FRMD4B: variants seen among roughly 807,000 people sequenced by gnomAD.
FRMD4B encodes FERM domain-containing protein 4B.
A neutral mutation model predicts 141.5 loss-of-function variants in FRMD4B; 74 were observed. The observed-to-expected ratio is 0.52, with a 90% CI of 0.43 to 0.63. The LOEUF (loss-of-function observed/expected upper bound fraction) is 0.63, where lower values mean the gene tolerates loss of function less well. Ranked by LOEUF, FRMD4B falls within the 30% of genes least tolerant of loss-of-function variation. The pLI, the probability that FRMD4B is intolerant of heterozygous loss-of-function variation, is 0.00. For synonymous variants in FRMD4B, 506 were observed against 467.9 expected, an observed-to-expected ratio of 1.08 and a Z score of -1.05; for missense variants, 1,366 against 1,253.4, an observed-to-expected ratio of 1.09 and a Z score of -1.36.
intron 1 of FRMD4B, among the ~76,000 whole-genome samples, chr3:69,364,335 C>T (rs1489883498): frequency 1.3e-5 from 2 of 152,208 alleles, no homozygotes; most frequent in African/African-American, 4.8e-5. Flanking sequence ...GACAAGCTGG[C>T]CCCTTGGTGG....
At chr3:69,451,864 C>T (rs1705507120) in intron 1 of FRMD4B, among the ~76,000 whole-genome samples, 1 of 152,174 alleles carries the variant, frequency 6.6e-6, no homozygotes, top group African/African-American at 2.4e-5. Flanking sequence ...TCTCTTTTGA[C>T]AAAAGACAGG....
chr3:69,363,631 C>T (rs902098380), intron 1 of FRMD4B, among the ~76,000 whole-genome samples: 8 of 152,046 alleles, frequency 5.3e-5, no homozygotes, highest in South Asian at 2.1e-4. Flanking sequence ...CCTCGTGATC[C>T]GCCTGCCTTG....
chr3:69,243,413 A>C (rs2093402060), intron 7 of FRMD4B, among the ~76,000 whole-genome samples: 1 of 152,232 alleles, frequency 6.6e-6, no homozygotes, highest in African/African-American at 2.4e-5. Flanking sequence ...GCATGAGCAG[A>C]TACTAAGGAG....
At chr3:69,489,827 G>A (rs1314086165) in intron 1 of FRMD4B, among the ~76,000 whole-genome samples, 4 of 152,152 alleles carry the variant, frequency 2.6e-5, no homozygotes, top group Non-Finnish European at 5.9e-5. Context: ...ATGAGAACAA[G>A]CCTAATATTC....
chr3:69,172,333 T>C lies in FRMD4B; in HGVS notation c.2985-352A>G, dbSNP rs886465502. On this transcript the variant is annotated intron_variant, in intron 22 of 22. Coordinates refer to ENST00000398540, the MANE Select transcript of FRMD4B (RefSeq NM_015123.3). ...TAGTAAAAAAGATTATGGTTACAGT[T>C]TTATTGAACTATAGGACATTAACTG... 5.9e-5 allele frequency among the ~76,000 whole-genome samples: 9 copies of C among 152,210 alleles called. No homozygotes were observed. The East Asian group carries it at 1.7e-3, about 29-fold the overall frequency.
intron 2 of FRMD4B, among the ~76,000 whole-genome samples, chr3:69,398,788 G>A (rs10510974): frequency 0.031 from 4,761 of 152,202 alleles, 265 homozygotes; most frequent in African/African-American, 0.11. Flanking sequence ...ACAGGAAAGC[G>A]TTATGCAACC....
chr3:69,268,104 C>T (rs902827569), intron 5 of FRMD4B, among the ~76,000 whole-genome samples: 4 of 151,766 alleles, frequency 2.6e-5, no homozygotes, highest in East Asian at 1.9e-4. Flanking sequence ...TACTTCATTC[C>T]CTCTAAGCCC....
intron 1 of FRMD4B, among the ~76,000 whole-genome samples, chr3:69,470,302 G>A (rs902453316): frequency 2.0e-5 from 3 of 152,150 alleles, no homozygotes; most frequent in African/African-American, 7.2e-5. Context: ...GAGTTTGGAA[G>A]GGGATACTAA....
At chr3:69,220,262 A>C (rs554179776) in intron 9 of FRMD4B, among the ~76,000 whole-genome samples, 53 of 152,312 alleles carry the variant, frequency 3.5e-4, no homozygotes, top group African/African-American at 1.2e-3. Flanking sequence ...TACTGGGCTG[A>C]AATACTGTAG....
At chr3:69,307,108 G>A (rs964559650) in intron 3 of FRMD4B, among the ~76,000 whole-genome samples, 1 of 151,992 alleles carries the variant, frequency 6.6e-6, no homozygotes, top group Non-Finnish European at 1.5e-5. Context: ...CCCCAAACTG[G>A]TCATAATTCA....
chr3:69,258,784 G>A (rs555783630), intron 5 of FRMD4B, among the ~76,000 whole-genome samples: 1 of 152,246 alleles, frequency 6.6e-6, no homozygotes, highest in East Asian at 1.9e-4. Context: ...AGTCTGTGAA[G>A]TCTGATTGGA....
At chr3:69,516,534 G>A (rs1700760497) in intron 1 of FRMD4B, among the ~76,000 whole-genome samples, 4 of 152,164 alleles carry the variant, frequency 2.6e-5, no homozygotes, top group Admixed American at 2.6e-4. Context: ...TTTCCCCCTG[G>A]AACTTCCACA....
chr3:69,232,746 C>T (rs1296193110), intron 7 of FRMD4B, among the ~76,000 whole-genome samples: 7 of 151,914 alleles, frequency 4.6e-5, no homozygotes, highest in African/African-American at 1.5e-4. Context: ...CAGAGACTGG[C>T]GTAGAAGGGA....
intron 1 of FRMD4B, among the ~76,000 whole-genome samples, chr3:69,328,239 C>T (rs1030827076): frequency 3.9e-5 from 6 of 152,198 alleles, no homozygotes; most frequent in East Asian, 1.9e-4. Flanking sequence ...AAACTCTTCA[C>T]TTTCCAATTG....
chr3:69,268,931 T>C (rs1051566636), intron 5 of FRMD4B, among the ~76,000 whole-genome samples: 2 of 151,140 alleles, frequency 1.3e-5, no homozygotes, highest in African/African-American at 2.4e-5. Flanking sequence ...GATGAGAATT[T>C]TTTTTTTTTT....
chr3:69,357,303 C>T (rs1264898065), intron 1 of FRMD4B, among the ~76,000 whole-genome samples: 1 of 152,220 alleles, frequency 6.6e-6, no homozygotes, highest in Non-Finnish European at 1.5e-5. Context: ...AATGTTCTTC[C>T]AAATGCCTTC....
intron 1 of FRMD4B, among the ~76,000 whole-genome samples, chr3:69,374,396 A>G (rs761001100): frequency 4.6e-5 from 7 of 152,182 alleles, no homozygotes; most frequent in Non-Finnish European, 8.8e-5. Context: ...GGTAATAAGC[A>G]TCTAATCGAA....
chr3:69,263,223 C>T (rs1279553090), intron 5 of FRMD4B, among the ~76,000 whole-genome samples: 4 of 151,950 alleles, frequency 2.6e-5, no homozygotes, highest in Non-Finnish European at 4.4e-5. Flanking sequence ...TGCCACTGCA[C>T]TCCAACCTGG....
At chr3:69,494,756 G>A (rs1333541243) in intron 1 of FRMD4B, among the ~76,000 whole-genome samples, 1 of 152,158 alleles carries the variant, frequency 6.6e-6, no homozygotes, top group Non-Finnish European at 1.5e-5. Context: ...GCTGGGCATG[G>A]TGGCGGGCAC....
Sources: gnomAD v4.1 joint callset for allele counts (sites outside exome capture counted in the v4.1 genomes callset) on GRCh38, gnomAD v4.1.1 for gene constraint, MANE v1.5 for transcripts, NCBI Gene and HGNC (gene_info 2026-07-23, HGNC 2026-07-21) for gene names.